MOSMO: variants seen among roughly 807,000 people sequenced by gnomAD.
MOSMO encodes modulator of smoothened, also known as modulator of smoothened protein.
A neutral mutation model predicts 18.4 loss-of-function variants in MOSMO; 5 were observed. The ratio of observed to expected loss-of-function variants is 0.27; its 90% CI spans 0.14 to 0.57. MOSMO has a LOEUF of 0.57. MOSMO is among the 20% of genes least tolerant of loss of function. The pLI is 0.92. For synonymous variants in MOSMO, 82 were observed against 82.3 expected (o/e 1.00, Z 0.02); for missense variants, 138 against 211.8 (o/e 0.65, Z 2.16).
chr16:22,062,779 C>A (rs563898246), intron 1 of MOSMO, among the ~76,000 whole-genome samples: 2 of 152,274 alleles, frequency 1.3e-5, no homozygotes, highest in African/African-American at 4.8e-5. Flanking sequence ...TCTGCATTTA[C>A]TGAGGAAGCT....
Position 22,057,259 on chromosome 16 carries a change from A to C in MOSMO, c.107-18228A>C, listed in dbSNP as rs143638935. Reference sequence around the variant, plus strand: ...GGAAGTCCAAGATCAAAGTGCCAGCAGCTTAGGTGTCTGGTGAAGGACCAA... The same window carrying C: ...GGAAGTCCAAGATCAAAGTGCCAGCCGCTTAGGTGTCTGGTGAAGGACCAA... On this transcript the variant is annotated intron_variant, in intron 1 of 2. Transcript: ENST00000542527. Among the ~76,000 whole-genome samples the C allele has an allele frequency of 7.9e-4, 121 of 152,358 alleles. 1 individual carries two copies. Among genetic ancestry groups the C allele is most frequent in the African/African-American group, 2.6e-3 (110 of 41,586 alleles).
chr16:22,024,053 A>G (rs1330495005), intron 1 of MOSMO, among the ~76,000 whole-genome samples: 1 of 144,952 alleles, frequency 6.9e-6, no homozygotes, highest in Admixed American at 6.8e-5. Flanking sequence ...CAAAAGGACT[A>G]TAACACTATT....
At chr16:22,060,682 G>A (rs922931042) in intron 1 of MOSMO, among the ~76,000 whole-genome samples, 9 of 152,130 alleles carry the variant, frequency 5.9e-5, no homozygotes, top group Non-Finnish European at 1.2e-4. Flanking sequence ...AGACTAGTCT[G>A]GCCAACATGG....
chr16:22,090,767 G>C (rs965481904), downstream of MOSMO, among the ~76,000 whole-genome samples: 2 of 152,186 alleles, frequency 1.3e-5, no homozygotes, highest in African/African-American at 4.8e-5. Context: ...ATGCCATCAT[G>C]ATCTGCATCC....
At chr16:22,075,825 C>A in intron 2 of MOSMO, 126 bp downstream of exon 2, 1 of 685,990 alleles carries the variant, frequency 1.5e-6, no homozygotes, top group East Asian at 2.8e-5. Flanking sequence ...TGTGTATGGC[C>A]GTGAGATAGA....
chr16:22,073,162 T>C (rs562664848), intron 1 of MOSMO, among the ~76,000 whole-genome samples: 1 of 152,114 alleles, frequency 6.6e-6, no homozygotes, highest in Non-Finnish European at 1.5e-5. Flanking sequence ...AACATAAGGA[T>C]ACTCAAATAT....
chr16:22,035,097 AG>A (rs1900081239), intron 1 of MOSMO, among the ~76,000 whole-genome samples: 1 of 152,090 alleles, frequency 6.6e-6, no homozygotes, highest in Admixed American at 6.5e-5. Flanking sequence ...TTGATCATAC[AG>A]GAGTCCTGTC....
intron 1 of MOSMO, among the ~76,000 whole-genome samples, chr16:22,053,555 C>A (rs1900471549): frequency 6.6e-6 from 1 of 152,098 alleles, no homozygotes; most frequent in Admixed American, 6.5e-5. Flanking sequence ...GTAATACCAG[C>A]ACTTTGGGAT....
intron 1 of MOSMO, among the ~76,000 whole-genome samples, chr16:22,052,414 G>A (rs1900445310): frequency 6.6e-6 from 1 of 152,214 alleles, no homozygotes; most frequent in Admixed American, 6.5e-5. Context: ...TGGGAGAAAA[G>A]TGAATTCGGA....
intron 1 of MOSMO, among the ~76,000 whole-genome samples, chr16:22,045,894 T>A (rs1900298694): frequency 6.6e-6 from 1 of 151,588 alleles, no homozygotes; most frequent in Non-Finnish European, 1.5e-5. Flanking sequence ...TTTTTTTTTA[T>A]ACTTTAAGTT....
At chr16:22,015,122 C>CA (rs1050239071) in intron 1 of MOSMO, among the ~76,000 whole-genome samples, 14 of 152,154 alleles carry the variant, frequency 9.2e-5, no homozygotes, top group African/African-American at 3.1e-4. Context: ...GCCTCCTAGG[C>CA]AACCCCTAAT....
At chr16:22,029,667 C>T (rs1472331251) in intron 1 of MOSMO, among the ~76,000 whole-genome samples, 1 of 151,998 alleles carries the variant, frequency 6.6e-6, no homozygotes, top group Non-Finnish European at 1.5e-5. Flanking sequence ...TCCCTGTTGC[C>T]CAGCCTGGAG....
chr16:22,015,883 A>G (rs1899626378), intron 1 of MOSMO, among the ~76,000 whole-genome samples: 1 of 152,212 alleles, frequency 6.6e-6, no homozygotes, highest in South Asian at 2.1e-4. Context: ...GGCATGAGTA[A>G]ATGGAAATCA....
At chr16:22,023,188 C>T (rs138094534) in intron 1 of MOSMO, among the ~76,000 whole-genome samples, 1 of 152,244 alleles carries the variant, frequency 6.6e-6, no homozygotes, top group East Asian at 1.9e-4. Flanking sequence ...AGTCATATAT[C>T]AGCCTACTAA....
At chr16:22,043,788 A>G (rs1900254707) in intron 1 of MOSMO, among the ~76,000 whole-genome samples, 1 of 152,200 alleles carries the variant, frequency 6.6e-6, no homozygotes, top group Admixed American at 6.5e-5. Context: ...TGCCTTAAAT[A>G]TATGATCAGT....
chr16:22,055,459 C>T (rs1900513968), intron 1 of MOSMO, among the ~76,000 whole-genome samples: 1 of 152,196 alleles, frequency 6.6e-6, no homozygotes. Flanking sequence ...TACACCCTGA[C>T]ATTTACAGTA....
At chr16:22,045,482 T>A (rs1348310669) in intron 1 of MOSMO, among the ~76,000 whole-genome samples, 1 of 152,196 alleles carries the variant, frequency 6.6e-6, no homozygotes. Context: ...GAAAAATGAT[T>A]AGGTATTAGA....
At chr16:22,009,345 G>C (rs993110068) in intron 1 of MOSMO, among the ~76,000 whole-genome samples, 2 of 152,150 alleles carry the variant, frequency 1.3e-5, no homozygotes, top group African/African-American at 4.8e-5. Context: ...CCACCACGGA[G>C]CTGTGGGCGG....
At chr16:22,045,019 T>TA (rs1319395479) in intron 1 of MOSMO, among the ~76,000 whole-genome samples, 1 of 140,414 alleles carries the variant, frequency 7.1e-6, no homozygotes, top group Non-Finnish European at 1.6e-5. Context: ...CTACAAAAAA[T>TA]ACAAAAAAAA....
Sources: gnomAD v4.1 joint callset for allele counts (sites outside exome capture counted in the v4.1 genomes callset) on GRCh38, gnomAD v4.1.1 for gene constraint, MANE v1.5 for transcripts, NCBI Gene and HGNC (gene_info 2026-07-23, HGNC 2026-07-21) for gene names.